Variants in FHIT observed in about 807,000 individuals in gnomAD.
FHIT encodes the protein fragile histidine triad diadenosine triphosphatase.
Under a neutral mutation model 17.9 loss-of-function variants are expected in FHIT, and 19 were observed. The observed-to-expected ratio is 1.06, with a 90% CI of 0.74 to 1.56. FHIT has a LOEUF of 1.56. Ranked by LOEUF, FHIT falls within the 40% of genes most tolerant of loss-of-function variation. The probability of loss-of-function intolerance (pLI) is 0.00; values close to 1 mark genes in which losing one functional copy is unlikely to be tolerated. For missense variants in FHIT, 248 were observed against 189.2 expected, an observed-to-expected ratio of 1.31 and a Z score of -1.82; for synonymous variants, 81 against 69.7, an observed-to-expected ratio of 1.16 and a Z score of -0.81.
chr3:61,206,139 A>G (rs55933132), intron 1 of FHIT, among the ~76,000 whole-genome samples: 3,939 of 122,158 alleles, frequency 0.032, 97 homozygotes, highest in Middle Eastern at 0.052. Flanking sequence ...GATATGTGGC[A>G]TTATTTCTGA....
intron 5 of FHIT, among the ~76,000 whole-genome samples, chr3:60,498,962 C>A (rs1350503148): frequency 3.9e-5 from 6 of 152,164 alleles, no homozygotes; most frequent in African/African-American, 1.4e-4. Context: ...TAACAAAGAT[C>A]TGGAATACTT....
chr3:60,790,536 G>A (rs1212609982), intron 4 of FHIT, among the ~76,000 whole-genome samples: 1 of 152,098 alleles, frequency 6.6e-6, no homozygotes, highest in East Asian at 1.9e-4. Flanking sequence ...CCCTTTTAGG[G>A]AACAGAAACC....
chr3:60,261,326 C>T (rs1422451328), intron 5 of FHIT, among the ~76,000 whole-genome samples: 1 of 151,968 alleles, frequency 6.6e-6, no homozygotes, highest in Non-Finnish European at 1.5e-5. Flanking sequence ...AAACAAAAGA[C>T]ATATATATCA....
chr3:60,199,517 C>T lies in FHIT; in HGVS notation c.104-185365G>A, dbSNP rs149285294. Among the ~76,000 whole-genome samples, 60 of 152,168 alleles carry T rather than the reference C, an allele frequency of 3.9e-4. No homozygotes were observed. In the East Asian group the frequency reaches 0.011, roughly 28 times the overall value. The stretch of plus-strand genomic sequence containing the variant: ...CCTCAAAGGGGAATGTTCCAAATGT[C>T]ATGTCTTCCCAGCTTTGTGTGGGTG... On this transcript the variant is annotated intron_variant, in intron 5 of 9. Transcript: ENST00000492590.
At chr3:60,304,288 T>C (rs905080988) in intron 5 of FHIT, among the ~76,000 whole-genome samples, 1 of 152,100 alleles carries the variant, frequency 6.6e-6, no homozygotes, top group Non-Finnish European at 1.5e-5. Context: ...AAATCAACAA[T>C]TGCTGCCAAT....
intron 4 of FHIT, among the ~76,000 whole-genome samples, chr3:60,645,584 C>T (rs782506208): frequency 6.6e-6 from 1 of 152,140 alleles, no homozygotes; most frequent in African/African-American, 2.4e-5. Flanking sequence ...CTCCTCTGGA[C>T]TCATATATAC....
chr3:60,511,626 T>A (rs1382246757), intron 5 of FHIT, among the ~76,000 whole-genome samples: 4 of 152,158 alleles, frequency 2.6e-5, no homozygotes, highest in African/African-American at 9.7e-5. Context: ...TGATTTAAAA[T>A]ATATGTATAC....
chr3:59,941,673 C>T (rs1706527215), intron 7 of FHIT, among the ~76,000 whole-genome samples: 1 of 152,118 alleles, frequency 6.6e-6, no homozygotes, highest in Non-Finnish European at 1.5e-5. Context: ...CAGAGCTGCA[C>T]TCCAGGTACT....
intron 4 of FHIT, among the ~76,000 whole-genome samples, chr3:60,792,913 T>A (rs1317480100): frequency 1.3e-5 from 2 of 151,864 alleles, no homozygotes; most frequent in Non-Finnish European, 2.9e-5. Flanking sequence ...ACTTGTGTAA[T>A]ACATTAGCTA....
chr3:60,028,598 A>G (rs1195974914), intron 5 of FHIT, among the ~76,000 whole-genome samples: 1 of 152,220 alleles, frequency 6.6e-6, no homozygotes, highest in African/African-American at 2.4e-5. Flanking sequence ...GGAACTGGCC[A>G]AGAAATATGA....
rs1484190524 is a variant in FHIT at position 59,973,974 on chromosome 3, G to A, written c.279+37397C>T. Among the ~76,000 whole-genome samples the A allele has an allele frequency of 6.1e-5, 8 of 130,812 alleles. No homozygotes were observed. The East Asian group carries it at 1.7e-3, about 28-fold the overall frequency. 85.8% of individuals were successfully genotyped at this position (130,812 alleles called of 152,430 possible). ...TCTTCAAGTACAATGATTTGTAGGG[G>A]ATAAAGAAAAGAAAAAAAAAACCCA... On this transcript the variant is annotated intron_variant, in intron 7 of 9. Coordinates refer to ENST00000492590, the MANE Select transcript of FHIT (RefSeq NM_002012.4).
intron 5 of FHIT, among the ~76,000 whole-genome samples, chr3:60,429,679 G>C (rs1559906029): frequency 6.6e-6 from 1 of 152,042 alleles, no homozygotes; most frequent in East Asian, 1.9e-4. Flanking sequence ...CAATGTGGTT[G>C]GGATGAGGAT....
chr3:60,776,007 C>T (rs924770201), intron 4 of FHIT, among the ~76,000 whole-genome samples: 2 of 152,154 alleles, frequency 1.3e-5, no homozygotes, highest in African/African-American at 4.8e-5. Context: ...CCTTCTCTAC[C>T]CCATCAGCAA....
chr3:60,600,306 A>G (rs1483198070), intron 4 of FHIT, among the ~76,000 whole-genome samples: 1 of 151,938 alleles, frequency 6.6e-6, no homozygotes, highest in African/African-American at 2.4e-5. Flanking sequence ...ACTTACAAAC[A>G]AGGAAGCCTA....
chr3:59,911,739 G>C (rs6446090), intron 8 of FHIT, among the ~76,000 whole-genome samples: 52,167 of 152,068 alleles, frequency 0.34, 10,361 homozygotes, highest in Admixed American at 0.47. Context: ...GGTTTTGACA[G>C]GAGGCAGGCA....
At chr3:59,981,662 G>T (rs996569111) in intron 7 of FHIT, among the ~76,000 whole-genome samples, 2 of 152,128 alleles carry the variant, frequency 1.3e-5, no homozygotes, top group Non-Finnish European at 2.9e-5. Flanking sequence ...AACGCAGAGA[G>T]ATGCCCTTGA....
At chr3:59,915,203 G>T (rs294453) in intron 8 of FHIT, among the ~76,000 whole-genome samples, 52,721 of 151,932 alleles carry the variant, frequency 0.35, 10,212 homozygotes, top group Non-Finnish European at 0.45. Context: ...AATGTATCTG[G>T]TTGGAGCGAG....
intron 5 of FHIT, among the ~76,000 whole-genome samples, chr3:60,103,509 T>C (rs538680367): frequency 1.8e-4 from 27 of 152,124 alleles, no homozygotes; most frequent in African/African-American, 4.8e-4. Flanking sequence ...CTAGGGAAAA[T>C]AATTTCTATG....
At chr3:60,538,103 G>A (rs920131603) in intron 4 of FHIT, among the ~76,000 whole-genome samples, 16 of 151,976 alleles carry the variant, frequency 1.1e-4, no homozygotes, top group Admixed American at 5.9e-4. Context: ...GCTTCAGGAT[G>A]GGGTTGATCA....
Sources: allele counts gnomAD v4.1 joint callset (sites outside exome capture counted in the v4.1 genomes callset), GRCh38; gene constraint gnomAD v4.1.1; transcripts MANE v1.5; gene names NCBI Gene and HGNC (gene_info 2026-07-23, HGNC 2026-07-21).